The following SLC16A3 variants were observed in gnomAD, a reference collection of about 807,000 sequenced individuals.
The protein encoded by SLC16A3 is monocarboxylate transporter 4.
Under a neutral mutation model 25.0 loss-of-function variants are expected in SLC16A3, and 22 were observed. The ratio of observed to expected loss-of-function variants is 0.88; its 90% CI spans 0.63 to 1.26. The LOEUF is 1.26. SLC16A3 is among the 50% of genes most tolerant of loss of function. The pLI, the probability that SLC16A3 is intolerant of heterozygous loss-of-function variation, is 0.00. For missense variants in SLC16A3, 731 were observed against 666.6 expected (o/e 1.10, Z -1.06); for synonymous variants, 390 against 309.2 (o/e 1.26, Z -2.74).
At chr17:82,226,900 T>C (rs1220872716), upstream of SLC16A3, among the ~76,000 whole-genome samples, 1 of 152,104 alleles carries the variant, frequency 6.6e-6, no homozygotes, top group Non-Finnish European at 1.5e-5. Context: ...GGTAACAACC[T>C]GGCAGGCCCC....
intron 1 of SLC16A3, among the ~76,000 whole-genome samples, chr17:82,223,268 C>T (rs999638052): frequency 2.0e-5 from 3 of 152,098 alleles, no homozygotes; most frequent in African/African-American, 4.8e-5. Flanking sequence ...CTGCAACCTC[C>T]GCCTCCCAGG....
intron 4 of SLC16A3, 40 bp from the exon 5 acceptor site, chr17:82,238,662 G>A: frequency 6.4e-7 from 1 of 1,572,930 alleles, no homozygotes; most frequent in Admixed American, 1.7e-5. Flanking sequence ...CCTGGGGGCA[G>A]CCCGCATGAG....
chr17:82,236,962 AG>A lies in SLC16A3; in HGVS notation c.367+93del, dbSNP rs1297190255. 41 of 1,540,402 alleles carry A rather than the reference AG, an allele frequency of 2.7e-5. No individual in the cohort carries two copies. In the East Asian group the frequency reaches 8.4e-4, roughly 32 times the overall value. On this transcript the variant is annotated intron_variant, in intron 3 of 4. Coordinates refer to ENST00000582743, the MANE Select transcript of SLC16A3 (RefSeq NM_004207.4). Reference sequence around the variant, plus strand: ...TGGGTCCAGGCCTCTGGAGGACAGCAGGGCGGGTGGCTGCGGGGTGTCCCGG... The same window carrying A: ...TGGGTCCAGGCCTCTGGAGGACAGCAGGCGGGTGGCTGCGGGGTGTCCCGG...
Position 82,237,278 on chromosome 17 carries a change from C to T in SLC16A3, c.508C>T (p.Leu170=). ...LCALSPLGQL[L]QDRYGWRGGF... is the part of the protein sequence containing the mutation. The stretch of plus-strand genomic sequence containing the variant: ...TGCCCTGAGCCCGCTGGGGCAGCTG[C>T]TGCAGGACCGCTACGGCTGGCGGGG... Residue 170 remains leucine (L), a synonymous_variant, in exon 4 of 5, where the codon CTG becomes TTG. Transcript: ENST00000582743. 6.4e-7 allele frequency: 1 copy of T among 1,564,726 alleles called. No homozygotes were observed. The highest frequency in any genetic ancestry group is 1.2e-5 in the South Asian group (1 of 85,374).
At chr17:82,220,864 C>T (rs115258060) in intron 1 of SLC16A3, among the ~76,000 whole-genome samples, 6,009 of 152,206 alleles carry the variant, frequency 0.039, 137 homozygotes, top group South Asian at 0.074. Flanking sequence ...CTGTCACCCA[C>T]CCAGGCTGGC....
exon 1 of SLC16A3, among the ~76,000 whole-genome samples, chr17:82,218,057 G>GT (rs2050366073): frequency 6.6e-6 from 1 of 152,226 alleles, no homozygotes; most frequent in Non-Finnish European, 1.5e-5. Context: ...CATGTGCCAG[G>GT]TTGGGGCTGG....
intron 1 of SLC16A3, among the ~76,000 whole-genome samples, chr17:82,218,506 G>A (rs1051126287): frequency 3.3e-5 from 5 of 152,180 alleles, no homozygotes; most frequent in African/African-American, 9.7e-5. Flanking sequence ...TGGAGGAGGA[G>A]AAATGCAGGA....
At chr17:82,232,649 C>G (rs1454127525) in intron 1 of SLC16A3, among the ~76,000 whole-genome samples, 1 of 152,210 alleles carries the variant, frequency 6.6e-6, no homozygotes, top group Non-Finnish European at 1.5e-5. Flanking sequence ...GCCAGGGGTC[C>G]TTGCAGAGCC....
At chr17:82,226,684 C>G (rs1034381511), upstream of SLC16A3, among the ~76,000 whole-genome samples, 1 of 152,072 alleles carries the variant, frequency 6.6e-6, no homozygotes, top group African/African-American at 2.4e-5. Context: ...GCCTGGAATG[C>G]CCCCCGCCAC....
chr17:82,220,293 C>T (rs2050381194), intron 1 of SLC16A3, among the ~76,000 whole-genome samples: 2 of 152,158 alleles, frequency 1.3e-5, no homozygotes, highest in Admixed American at 1.3e-4. Context: ...AGCTGATGAC[C>T]TCCTGGCCTG....
At chr17:82,236,294 G>A (rs969712185) in intron 2 of SLC16A3, 63 bp downstream of exon 2, 10 of 1,464,784 alleles carry the variant, frequency 6.8e-6, no homozygotes, top group African/African-American at 1.4e-5. Context: ...TGCTGGGCGC[G>A]TGTAGCTGGG....
In SLC16A3 at chr17:82,236,199, C is replaced by T. The variant is rs925306842; in HGVS notation, c.191C>T (p.Ser64Phe). 2 of 1,613,038 alleles carry T rather than the reference C, an allele frequency of 1.2e-6. No individual in the cohort carries two copies. The highest frequency in any genetic ancestry group is 2.2e-5 in the East Asian group (1 of 44,880). Reference protein sequence around the residue: ...GIGYSDTAWISSILLAMLYGT... With the variant: ...GIGYSDTAWIFSILLAMLYGT... ...GGCTACAGCGACACAGCCTGGATCT[C>T]CTCCATCCTGCTGGCCATGCTCTAC... The change falls in exon 2 of 5, where the codon TCC (serine) becomes TTC (phenylalanine). Residue 64 changes from serine (S) to phenylalanine (F), a missense_variant. By Grantham distance (155) the Ser-to-Phe change is radical (BLOSUM62 -2). Transcript: ENST00000582743.
chr17:82,238,615 G>C (rs1257433610), intron 4 of SLC16A3, 87 bp from the exon 5 acceptor site: 5 of 1,368,662 alleles, frequency 3.7e-6, no homozygotes, highest in Non-Finnish European at 4.9e-6. Flanking sequence ...CTTGCGTGCT[G>C]AGACACCGAG....
At chr17:82,223,683 T>C (rs2050402583), upstream of SLC16A3, among the ~76,000 whole-genome samples, 2 of 151,988 alleles carry the variant, frequency 1.3e-5, no homozygotes, top group South Asian at 4.2e-4. Context: ...TGGCTAATTG[T>C]TTGTATTTTT....
rs1481697587 is a variant in SLC16A3 at position 82,238,904 on chromosome 17, G to C, written c.1326G>C (p.Glu442Asp). 6.3e-7 allele frequency: 1 copy of C among 1,599,532 alleles called. No individual in the cohort carries two copies. Among genetic ancestry groups the C allele is most frequent in the Admixed American group, 1.7e-5 (1 of 59,268 alleles). The change falls in exon 5 of 5, where the codon GAG becomes GAC. Residue 442 changes from glutamate (E) to aspartate (D), a missense_variant. Coordinates refer to ENST00000582743, the MANE Select transcript of SLC16A3 (RefSeq NM_004207.4). ...CAGACTCGGGGGTGGACTTGCGGGA[G>C]GTGGAGCATTTCCTGAAGGCTGAGC... ...PPADSGVDLR[E>D]VEHFLKAEPE...
intron 1 of SLC16A3, among the ~76,000 whole-genome samples, chr17:82,232,596 GC>G (rs2050515289): frequency 6.6e-6 from 1 of 152,230 alleles, no homozygotes; most frequent in East Asian, 1.9e-4. Context: ...GAACTGGCAG[GC>G]ACCCAGGTCC....
At chr17:82,235,961 G>T in intron 1 of SLC16A3, 22 bp from the exon 2 acceptor site, 1 of 1,524,388 alleles carries the variant, frequency 6.6e-7, no homozygotes, top group South Asian at 1.1e-5. Context: ...GGCAGCCTGA[G>T]TCAGCCTGCT....
Position 82,237,801 on chromosome 17 carries a change from T to A in SLC16A3, c.1031T>A (p.Met344Lys). The change falls in exon 4 of 5, where the codon ATG becomes AAG. Residue 344 changes from methionine to lysine, a missense_variant. Coordinates refer to ENST00000582743, the MANE Select transcript of SLC16A3 (RefSeq NM_004207.4). ...MVGALQFEVL[M>K]AIVGTHKFSS... ...GGGGCCCTGCAGTTCGAGGTGCTCA[T>A]GGCCATCGTGGGCACCCACAAGTTC... 6.2e-7 allele frequency: 1 copy of A among 1,610,856 alleles called. No homozygotes were observed. Among genetic ancestry groups the A allele is most frequent in the Non-Finnish European group, 8.5e-7 (1 of 1,179,920 alleles).
At chr17:82,238,421 G>A (rs927912191) in intron 4 of SLC16A3, among the ~76,000 whole-genome samples, 3 of 152,164 alleles carry the variant, frequency 2.0e-5, no homozygotes, top group Non-Finnish European at 2.9e-5. Flanking sequence ...GCCTCAGGGG[G>A]ACTCCGTGGG....
Sources: gnomAD v4.1 joint callset for allele counts (sites outside exome capture counted in the v4.1 genomes callset) on GRCh38, gnomAD v4.1.1 for gene constraint, MANE v1.5 for transcripts, NCBI Gene and HGNC (gene_info 2026-07-23, HGNC 2026-07-21) for gene names.